DDHD1: variants seen among roughly 807,000 people sequenced by gnomAD.
The protein encoded by DDHD1 is DDHD domain containing 1.
Under a neutral mutation model 96.4 loss-of-function variants are expected in DDHD1, and 49 were observed. That is an observed-to-expected ratio of 0.51 (90% CI 0.40 to 0.64). The LOEUF is 0.64. Among genes scored for constraint, DDHD1 ranks in the 30% least tolerant of loss-of-function variants. The probability of loss-of-function intolerance (pLI) is 0.00; values close to 1 mark genes in which losing one functional copy is unlikely to be tolerated. For missense variants in DDHD1, 1,106 were observed against 1,161.2 expected, an observed-to-expected ratio of 0.95 and a Z score of 0.69; for synonymous variants, 442 against 446.5, an observed-to-expected ratio of 0.99 and a Z score of 0.13.
At position 53,081,490 on chromosome 14, in the gene DDHD1, G is replaced by A. The variant is rs563418652; in HGVS notation, c.1290-7643C>T. Among the ~76,000 whole-genome samples the A allele has an allele frequency of 1.8e-4, 27 of 152,290 alleles. 1 individual carries two copies. The South Asian group carries it at 5.6e-3, about 32-fold the overall frequency. On this transcript the variant is annotated intron_variant, in intron 4 of 12. Transcript: ENST00000673822. ...TTTAGATTAGTGGTTCTCAACCATA[G>A]ACAATTTTGTACTTCGAGGGACACT...
intron 1 of DDHD1, among the ~76,000 whole-genome samples, chr14:53,123,954 G>A (rs527968495): frequency 7.9e-5 from 12 of 152,110 alleles, no homozygotes; most frequent in Middle Eastern, 3.4e-3. Context: ...TAAGTTGGCC[G>A]GGCATGGTGG....
intron 1 of DDHD1, among the ~76,000 whole-genome samples, chr14:53,116,929 G>C (rs1279094284): frequency 1.3e-5 from 2 of 152,058 alleles, no homozygotes; most frequent in Non-Finnish European, 2.9e-5. Flanking sequence ...CCAGGAGCTT[G>C]GTTTTTGAAA....
chr14:53,101,177 TA>T (rs1887267145), intron 2 of DDHD1, among the ~76,000 whole-genome samples: 1 of 152,160 alleles, frequency 6.6e-6, no homozygotes, highest in Middle Eastern at 3.2e-3. Flanking sequence ...AACAGTAAAT[TA>T]AAAAGATTAT....
intron 1 of DDHD1, among the ~76,000 whole-genome samples, chr14:53,142,947 T>C (rs1477882004): frequency 1.3e-5 from 2 of 152,212 alleles, no homozygotes; most frequent in Non-Finnish European, 1.5e-5. Flanking sequence ...GAGCCAAGAA[T>C]GTCAAGCGGG....
In DDHD1 at chr14:53,043,869, C is replaced by G. The variant is rs1009766048; in HGVS notation, c.*2899G>C. The G allele has an allele frequency of 1.3e-5, 2 of 152,210 alleles. No individual in the cohort carries two copies. The highest frequency in any genetic ancestry group is 4.8e-5 in the African/African-American group (2 of 41,450). 9.4% of individuals were successfully genotyped at this position (152,210 alleles called of 1,614,324 possible). A position where few individuals can be genotyped will look rare whatever the true frequency, so the allele number is the denominator to read the frequency against. On this transcript the variant is annotated 3_prime_UTR_variant, in exon 13 of 13. Coordinates refer to ENST00000673822, the MANE Select transcript of DDHD1 (RefSeq NM_001160148.2). The stretch of plus-strand genomic sequence containing the variant: ...AAGTAAAAATAAAGCAAGATTTAAT[C>G]TAAGTCTTATTCTAACGGTTAATAA...
At chr14:53,104,046 T>C (rs1185479505) in intron 1 of DDHD1, among the ~76,000 whole-genome samples, 190 bp from the exon 2 acceptor site, 3 of 152,210 alleles carry the variant, frequency 2.0e-5, no homozygotes, top group African/African-American at 7.2e-5. Context: ...TTGCCCAGGA[T>C]AGAGTGCAGT....
rs192728270 is a variant in DDHD1, at chr14:53,065,335, A to G, written c.1504-2130T>C. On this transcript the variant is annotated intron_variant, in intron 6 of 12. Transcript: ENST00000673822. The stretch of plus-strand genomic sequence containing the variant: ...GTAATTGAGAGAGTTCTAGTCATCT[A>G]TATCAATTAAATAATTCAAATAATG... Among the ~76,000 whole-genome samples the G allele has an allele frequency of 2.5e-3, 378 of 152,342 alleles. 6 individuals are homozygous for G. Among genetic ancestry groups the G allele is most frequent in the Admixed American group, 0.024 (370 of 15,306 alleles).
rs1882056310 is a variant in DDHD1, at chr14:53,046,919, A to G, written c.2552T>C (p.Leu851Pro). ...VELDHRIDFE[L>P]REGLVESRYW... is the part of the protein sequence containing the mutation. ...GCGGCTCTCCACAAGGCCTTCTCTG[A>G]GTTCAAAATCAATCCTGTGATCCAA... The change falls in exon 13 of 13, where the codon CTC (leucine) becomes CCC (proline). Residue 851 changes from leucine (L) to proline (P), a missense_variant. By Grantham distance (98) the Leu-to-Pro change is moderately conservative (BLOSUM62 -3). This residue lies in a region of DDHD1 where 650 missense variants were observed against 758.8 expected (regional missense o/e 0.86). Transcript: ENST00000673822. 1.2e-5 allele frequency: 20 copies of G among 1,610,786 alleles called. No individual in the cohort carries two copies. The highest frequency in any genetic ancestry group is 1.7e-5 in the Non-Finnish European group (20 of 1,178,570).
At chr14:53,055,265 T>A (rs1164598614) in intron 10 of DDHD1, among the ~76,000 whole-genome samples, 1 of 152,236 alleles carries the variant, frequency 6.6e-6, no homozygotes, top group Non-Finnish European at 1.5e-5. Flanking sequence ...GAGAGACTTT[T>A]AGAATAGATC....
chr14:53,130,700 G>A (rs960599024), intron 1 of DDHD1, among the ~76,000 whole-genome samples: 1 of 152,188 alleles, frequency 6.6e-6, no homozygotes, highest in African/African-American at 2.4e-5. Flanking sequence ...ACTGGGCCAA[G>A]GAATGCCCGC....
At chr14:53,140,741 G>A (rs2139880771) in intron 1 of DDHD1, among the ~76,000 whole-genome samples, 1 of 152,256 alleles carries the variant, frequency 6.6e-6, no homozygotes, top group South Asian at 2.1e-4. Flanking sequence ...ATCAAACTTA[G>A]CATTAATCAC....
chr14:53,134,596 C>CT lies in DDHD1; in HGVS notation c.838+17664dup, dbSNP rs1315878438. On this transcript the variant is annotated intron_variant, in intron 1 of 12. Coordinates refer to ENST00000673822, the MANE Select transcript of DDHD1 (RefSeq NM_001160148.2). ...ACCGAGGCCTCGACCTTACTCACTG[C>CT]TAAAAAAAAAAAAAAAAGAGCAGAC... Among the ~76,000 whole-genome samples the CT allele has an allele frequency of 2.6e-5, 3 of 114,180 alleles. No individual in the cohort carries two copies. In the East Asian group the frequency reaches 7.3e-4, roughly 28 times the overall value. 74.9% of individuals were successfully genotyped at this position (114,180 alleles called of 152,430 possible). A position where few individuals can be genotyped will look rare whatever the true frequency, so the allele number is the denominator to read the frequency against.
intron 2 of DDHD1, among the ~76,000 whole-genome samples, chr14:53,094,171 C>A (rs1430980103): frequency 2.0e-5 from 3 of 148,978 alleles, no homozygotes; most frequent in South Asian, 2.1e-4. Flanking sequence ...AGCAAGACTC[C>A]GTCTAAAAAA....
At chr14:53,091,525 T>A (rs1361628564) in intron 4 of DDHD1, among the ~76,000 whole-genome samples, 1 of 152,206 alleles carries the variant, frequency 6.6e-6, no homozygotes, top group East Asian at 1.9e-4. Flanking sequence ...ATAAATTAAC[T>A]TAATGTATTA....
intron 12 of DDHD1, among the ~76,000 whole-genome samples, 181 bp from the exon 13 acceptor site, chr14:53,047,130 G>A (rs1371185651): frequency 6.6e-6 from 1 of 151,956 alleles, no homozygotes. Context: ...AGTAGTACAG[G>A]ATTCTATTTG....
intron 9 of DDHD1, among the ~76,000 whole-genome samples, chr14:53,056,536 A>C (rs1163669458): frequency 6.6e-6 from 1 of 152,132 alleles, no homozygotes; most frequent in African/African-American, 2.4e-5. Context: ...GGCTCAGGCA[A>C]TCCTCCCACC....
intron 8 of DDHD1, among the ~76,000 whole-genome samples, chr14:53,060,068 C>A (rs535130410): frequency 6.6e-6 from 1 of 151,692 alleles, no homozygotes; most frequent in African/African-American, 2.4e-5. Context: ...AAACTCTTAA[C>A]GTTTTAAAGA....
At chr14:53,061,579 T>TTCA (rs1432014853) in intron 7 of DDHD1, among the ~76,000 whole-genome samples, 2 of 152,174 alleles carry the variant, frequency 1.3e-5, no homozygotes, top group Admixed American at 6.5e-5. Context: ...CCTGACCTAC[T>TTCA]TCAATTTTTT....
chr14:53,068,764 G>A (rs183498299), intron 6 of DDHD1, among the ~76,000 whole-genome samples: 5 of 152,176 alleles, frequency 3.3e-5, no homozygotes, highest in Admixed American at 2.0e-4. Flanking sequence ...GATTATTGTC[G>A]CTCTTTCTTA....
Sources: gnomAD v4.1 joint callset for allele counts (sites outside exome capture counted in the v4.1 genomes callset) on GRCh38, gnomAD v4.1.1 for gene constraint, gnomAD v4.1.1 regional missense constraint, MANE v1.5 for transcripts, NCBI Gene and HGNC (gene_info 2026-07-23, HGNC 2026-07-21) for gene names.